The following NEGR1 variants were observed in gnomAD, a reference collection of about 807,000 sequenced individuals.
NEGR1 encodes neuronal growth regulator 1.
A neutral mutation model predicts 40.9 loss-of-function variants in NEGR1; 10 were observed. The observed-to-expected ratio is 0.24, with a 90% CI of 0.15 to 0.42. The LOEUF is 0.42. Among genes scored for constraint, NEGR1 ranks in the 10% least tolerant of loss-of-function variants. The pLI is 1.00. For missense variants in NEGR1, 352 were observed against 438.9 expected (o/e 0.80, Z 1.77); for synonymous variants, 185 against 166.8 (o/e 1.11, Z -0.84).
At chr1:72,121,369 A>C (rs1474992580) in intron 1 of NEGR1, among the ~76,000 whole-genome samples, 2 of 152,028 alleles carry the variant, frequency 1.3e-5, no homozygotes, top group Non-Finnish European at 2.9e-5. Flanking sequence ...TCGAACTTCT[A>C]CTTTAGATAT....
intron 1 of NEGR1, among the ~76,000 whole-genome samples, chr1:72,261,682 C>A (rs1655461276): frequency 1.3e-5 from 2 of 151,994 alleles, no homozygotes; most frequent in South Asian, 2.1e-4. Context: ...GGATACTACT[C>A]AGCCACAGAA....
intron 1 of NEGR1, among the ~76,000 whole-genome samples, chr1:72,005,451 G>A (rs1160577564): frequency 6.6e-6 from 1 of 151,846 alleles, no homozygotes; most frequent in Non-Finnish European, 1.5e-5. Context: ...TCTTTCTCTT[G>A]ACAAATTATA....
chr1:71,913,196 AC>A (rs1473202838), intron 2 of NEGR1, among the ~76,000 whole-genome samples: 3 of 152,066 alleles, frequency 2.0e-5, no homozygotes, highest in Non-Finnish European at 2.9e-5. Context: ...GCTCACTGCA[AC>A]CTCCACCTCC....
intron 1 of NEGR1, among the ~76,000 whole-genome samples, chr1:72,006,476 T>C (rs188052658): frequency 1.3e-5 from 2 of 152,272 alleles, no homozygotes; most frequent in East Asian, 3.9e-4. Context: ...CCAAACCAAC[T>C]GTCCTGCTCA....
At chr1:71,628,739 T>C (rs865862447) in intron 4 of NEGR1, among the ~76,000 whole-genome samples, 1 of 152,098 alleles carries the variant, frequency 6.6e-6, no homozygotes, top group African/African-American at 2.4e-5. Flanking sequence ...GCAAAGGACA[T>C]GAACTCATCC....
At chr1:72,114,095 A>G (rs1354510463) in intron 1 of NEGR1, among the ~76,000 whole-genome samples, 2 of 151,786 alleles carry the variant, frequency 1.3e-5, no homozygotes, top group Non-Finnish European at 2.9e-5. Flanking sequence ...GGTTAATTGT[A>G]TGTGTTAACT....
chr1:72,228,506 A>G (rs959012285), intron 1 of NEGR1, among the ~76,000 whole-genome samples: 7 of 152,146 alleles, frequency 4.6e-5, no homozygotes, highest in African/African-American at 7.2e-5. Flanking sequence ...CTCAGGCCCA[A>G]TAACTGAATG....
In NEGR1 at chr1:71,491,317, G is replaced by T. The variant is rs190444515; in HGVS notation, c.941-83747C>A. On this transcript the variant is annotated intron_variant, in intron 6 of 6. Coordinates refer to ENST00000357731, the MANE Select transcript of NEGR1 (RefSeq NM_173808.3). ...ACATCAGGGACTTGAGCATCTTTGGGTTTTGATATCCAAGGGAGGTCTGAG... is the reference window on the plus strand; with the variant it reads ...ACATCAGGGACTTGAGCATCTTTGGTTTTTGATATCCAAGGGAGGTCTGAG... Among the ~76,000 whole-genome samples the T allele has an allele frequency of 6.7e-3, 1,016 of 152,122 alleles. 5 individuals are homozygous for T. Among genetic ancestry groups the T allele is most frequent in the Non-Finnish European group, 9.3e-3 (632 of 67,966 alleles).
At position 71,491,577 on chromosome 1, in the gene NEGR1, C is replaced by CTT. The variant is rs58078187; in HGVS notation, c.941-84009_941-84008dup. Among the ~76,000 whole-genome samples, 1,120 of 146,306 alleles carry CTT rather than the reference C, an allele frequency of 7.7e-3. 11 individuals carry two copies. The highest frequency in any genetic ancestry group is 0.026 in the African/African-American group (1,027 of 39,908). On this transcript the variant is annotated intron_variant, in intron 6 of 6. Transcript: ENST00000357731. ...CTCCAATGACCACCTCAGGGCTTGA[C>CTT]TTTTTTTTTTTTTAAATGAAAATAT...
intron 2 of NEGR1, among the ~76,000 whole-genome samples, chr1:71,777,023 C>G (rs2101719179): frequency 6.6e-6 from 1 of 152,172 alleles, no homozygotes; most frequent in South Asian, 2.1e-4. Context: ...ATTGCATTTT[C>G]TCTGATGTAT....
At chr1:71,942,483 ATTTTTTTTTTTTTTTTT>A (rs1162818244) in intron 1 of NEGR1, among the ~76,000 whole-genome samples, 8 of 18,610 alleles carry the variant, frequency 4.3e-4, no homozygotes, top group African/African-American at 1.5e-3. Flanking sequence ...ATATATATAT[ATTTTTTTTTTTTTTTTT>A]TTTTTTTTTT....
chr1:71,954,600 T>A (rs1162535801), intron 1 of NEGR1, among the ~76,000 whole-genome samples: 1 of 151,614 alleles, frequency 6.6e-6, no homozygotes, highest in Non-Finnish European at 1.5e-5. Context: ...AAAAAAAGAG[T>A]TCAGGATAAT....
At chr1:72,038,142 C>T (rs1381184333) in intron 1 of NEGR1, among the ~76,000 whole-genome samples, 2 of 152,044 alleles carry the variant, frequency 1.3e-5, no homozygotes, top group Non-Finnish European at 2.9e-5. Flanking sequence ...TTAGCCACTA[C>T]GTTATAGTGG....
At chr1:71,632,585 G>C (rs971150570) in intron 4 of NEGR1, among the ~76,000 whole-genome samples, 2 of 151,062 alleles carry the variant, frequency 1.3e-5, no homozygotes, top group Non-Finnish European at 3.0e-5. Context: ...AATATACACT[G>C]AATATTGATT....
intron 6 of NEGR1, among the ~76,000 whole-genome samples, chr1:71,530,956 A>G (rs1247672715): frequency 6.6e-6 from 1 of 151,190 alleles, no homozygotes; most frequent in Non-Finnish European, 1.5e-5. Flanking sequence ...ACTATGTACT[A>G]GGAACACTTA....
At chr1:71,710,191 C>A (rs913149682) in intron 3 of NEGR1, among the ~76,000 whole-genome samples, 2 of 152,170 alleles carry the variant, frequency 1.3e-5, no homozygotes, top group African/African-American at 4.8e-5. Flanking sequence ...ACTGTTATTA[C>A]AATCTCGCCC....
At chr1:72,204,289 T>C (rs915966633) in intron 1 of NEGR1, among the ~76,000 whole-genome samples, 9 of 152,098 alleles carry the variant, frequency 5.9e-5, no homozygotes, top group African/African-American at 1.9e-4. Context: ...AACTCCCTAA[T>C]TAATGAGAAA....
At chr1:71,935,462 T>G in intron 1 of NEGR1, 151 bp from the exon 2 acceptor site, 1 of 627,040 alleles carries the variant, frequency 1.6e-6, no homozygotes, top group South Asian at 2.0e-5. Flanking sequence ...AACATACTGA[T>G]GCATCTTCCA....
At chr1:71,636,972 C>T (rs148047175) in intron 4 of NEGR1, among the ~76,000 whole-genome samples, 98 of 151,934 alleles carry the variant, frequency 6.5e-4, no homozygotes, top group African/African-American at 2.2e-3. Flanking sequence ...TATTTATGTA[C>T]GGAATAGGAA....
Sources: allele counts gnomAD v4.1 joint callset (sites outside exome capture counted in the v4.1 genomes callset), GRCh38; gene constraint gnomAD v4.1.1; transcripts MANE v1.5; gene names NCBI Gene and HGNC (gene_info 2026-07-23, HGNC 2026-07-21).